DLGAP2: variants seen among roughly 807,000 people sequenced by gnomAD.
DLGAP2 encodes the protein DLG associated protein 2, also known as disks large-associated protein 2.
Under a neutral mutation model 100.3 loss-of-function variants are expected in DLGAP2, and 26 were observed. The ratio of observed to expected loss-of-function variants is 0.26; its 90% CI spans 0.19 to 0.36. DLGAP2 has a LOEUF of 0.36. Ranked by LOEUF, DLGAP2 falls within the 10% of genes least tolerant of loss-of-function variation. The pLI, the probability that DLGAP2 is intolerant of heterozygous loss-of-function variation, is 1.00. For synonymous variants in DLGAP2, 886 were observed against 630.1 expected (o/e 1.41, Z -6.08); for missense variants, 1,858 against 1,453.2 (o/e 1.28, Z -4.53).
intron 2 of DLGAP2, among the ~76,000 whole-genome samples, chr8:1,160,907 C>T (rs959897221): frequency 1.3e-5 from 2 of 152,118 alleles, no homozygotes; most frequent in South Asian, 4.1e-4. Context: ...AAAGACTGGC[C>T]GTCATCTGGG....
intron 4 of DLGAP2, among the ~76,000 whole-genome samples, chr8:1,535,219 G>C (rs549231203): frequency 6.6e-6 from 1 of 152,224 alleles, no homozygotes; most frequent in African/African-American, 2.4e-5. Context: ...GGGCTGGGCT[G>C]TAGCCCTGGT....
intron 2 of DLGAP2, among the ~76,000 whole-genome samples, chr8:922,845 G>A (rs1029066050): frequency 6.6e-6 from 1 of 152,150 alleles, no homozygotes; most frequent in African/African-American, 2.4e-5. Flanking sequence ...GGTGTGAGTT[G>A]GGGTTAATGT....
At chr8:1,183,543 A>G (rs560154055) in intron 2 of DLGAP2, among the ~76,000 whole-genome samples, 6 of 152,306 alleles carry the variant, frequency 3.9e-5, no homozygotes, top group South Asian at 4.1e-4. Flanking sequence ...ACAGCAGCCT[A>G]TGAGGTAGCT....
intron 14 of DLGAP2, among the ~76,000 whole-genome samples, chr8:1,697,797 T>C (rs1384336395): frequency 6.6e-6 from 1 of 152,210 alleles, no homozygotes; most frequent in Non-Finnish European, 1.5e-5. Flanking sequence ...GTTTGATGAA[T>C]TAATCTTCCT....
intron 3 of DLGAP2, among the ~76,000 whole-genome samples, chr8:1,304,452 A>G (rs1158163572): frequency 6.6e-6 from 1 of 152,252 alleles, no homozygotes; most frequent in Non-Finnish European, 1.5e-5. Flanking sequence ...ACCCACATGT[A>G]CCAAAAACAA....
At chr8:1,645,177 C>A (rs765253687) in intron 8 of DLGAP2, among the ~76,000 whole-genome samples, 46 of 152,356 alleles carry the variant, frequency 3.0e-4, no homozygotes, top group South Asian at 6.2e-4. Context: ...TCAGTACAGA[C>A]CACCTTTGAC....
At chr8:1,276,032 T>C (rs1447765313) in intron 3 of DLGAP2, among the ~76,000 whole-genome samples, 1 of 135,996 alleles carries the variant, frequency 7.4e-6, no homozygotes, top group African/African-American at 2.7e-5. Flanking sequence ...TAAATAAATA[T>C]ATAACGTATA....
chr8:918,432 C>A (rs928717095), intron 2 of DLGAP2, among the ~76,000 whole-genome samples: 73 of 152,254 alleles, frequency 4.8e-4, no homozygotes, highest in African/African-American at 1.6e-3. Context: ...ACGTTTAGTT[C>A]TAGACTGTTT....
intron 1 of DLGAP2, among the ~76,000 whole-genome samples, chr8:836,914 A>C (rs920699456): frequency 1.3e-5 from 2 of 152,186 alleles, no homozygotes; most frequent in Non-Finnish European, 2.9e-5. Flanking sequence ...CTGCCAGCGC[A>C]CATGCACACA....
Position 1,704,247 on chromosome 8 carries a change from G to A in DLGAP2, c.*2841G>A, listed in dbSNP as rs1475666095. 1 of 152,256 alleles carries A rather than the reference G, an allele frequency of 6.6e-6. No individual in the cohort carries two copies. Among genetic ancestry groups the A allele is most frequent in the African/African-American group, 2.4e-5 (1 of 41,440 alleles). The allele number at this position is 152,256 out of a possible 1,614,324, so 9.4% of individuals were successfully genotyped here. A position where few individuals can be genotyped will look rare whatever the true frequency, so the allele number is the denominator to read the frequency against. On this transcript the variant is annotated 3_prime_UTR_variant, in exon 15 of 15. Coordinates refer to ENST00000637795, the MANE Select transcript of DLGAP2 (RefSeq NM_001346810.2). The stretch of plus-strand genomic sequence containing the variant: ...TAAACATCCATTGGAGAACACGGCT[G>A]AAAATTATTGTGCTGTTCTAGGAAC...
intron 1 of DLGAP2, among the ~76,000 whole-genome samples, chr8:768,845 T>C (rs1288674372): frequency 2.6e-5 from 4 of 152,148 alleles, no homozygotes; most frequent in Admixed American, 2.6e-4. Context: ...ATGAAATTCA[T>C]TGGCTACTTA....
intron 2 of DLGAP2, among the ~76,000 whole-genome samples, chr8:1,207,104 C>A (rs1798013033): frequency 6.6e-6 from 1 of 152,138 alleles, no homozygotes; most frequent in Non-Finnish European, 1.5e-5. Context: ...TTTTTTATTT[C>A]AATAGATTTT....
At chr8:1,230,366 C>T (rs1039682016) in intron 2 of DLGAP2, among the ~76,000 whole-genome samples, 1 of 152,260 alleles carries the variant, frequency 6.6e-6, no homozygotes, top group Non-Finnish European at 1.5e-5. Context: ...TCATAGATGG[C>T]ACAAGCAACC....
intron 3 of DLGAP2, among the ~76,000 whole-genome samples, chr8:1,444,408 T>G (rs1226260516): frequency 6.6e-6 from 1 of 152,268 alleles, no homozygotes; most frequent in Non-Finnish European, 1.5e-5. Context: ...TCTTCATTTC[T>G]GGAGGTCAGT....
chr8:1,522,283 G>A (rs151148675), intron 4 of DLGAP2, among the ~76,000 whole-genome samples: 2 of 152,238 alleles, frequency 1.3e-5, no homozygotes, highest in Admixed American at 1.3e-4. Flanking sequence ...TGCTTGTTCT[G>A]TTTCTTCAAG....
chr8:1,632,751 C>A, intron 7 of DLGAP2, 76 bp from the exon 8 acceptor site: 1 of 1,425,582 alleles, frequency 7.0e-7, no homozygotes, highest in Non-Finnish European at 9.5e-7. Context: ...GGAATGAGCG[C>A]GCTCTCCTGG....
chr8:1,619,900 A>C (rs1340451644), intron 6 of DLGAP2: 1 of 152,218 alleles, frequency 6.6e-6, no homozygotes, highest in Non-Finnish European at 1.5e-5. Flanking sequence ...CGACCTGTAA[A>C]GCACATTTCA....
At chr8:1,131,098 A>T (rs1352465297) in intron 2 of DLGAP2, among the ~76,000 whole-genome samples, 1 of 152,198 alleles carries the variant, frequency 6.6e-6, no homozygotes, top group East Asian at 1.9e-4. Flanking sequence ...TGTTTTGGGA[A>T]ATATAAAATG....
At chr8:1,046,172 C>G (rs1802509552) in intron 2 of DLGAP2, among the ~76,000 whole-genome samples, 1 of 152,144 alleles carries the variant, frequency 6.6e-6, no homozygotes, top group Non-Finnish European at 1.5e-5. Flanking sequence ...TTTCTGAAGG[C>G]TAATGTGGGT....
Sources: gnomAD v4.1 joint callset for allele counts (sites outside exome capture counted in the v4.1 genomes callset) on GRCh38, gnomAD v4.1.1 for gene constraint, MANE v1.5 for transcripts, NCBI Gene and HGNC (gene_info 2026-07-23, HGNC 2026-07-21) for gene names.